The following MBD5 variants were observed in gnomAD, a reference collection of about 807,000 sequenced individuals.
MBD5 encodes methyl-CpG binding domain protein 5, also known as methyl-CpG-binding domain protein 5.
Under a neutral mutation model 117.3 loss-of-function variants are expected in MBD5, and 13 were observed. The observed-to-expected ratio is 0.11, with a 90% confidence interval of 0.07 to 0.18. MBD5 has a LOEUF of 0.18. Among genes scored for constraint, MBD5 ranks in the 10% least tolerant of loss-of-function variants. MBD5 has a pLI of 1.00. For missense variants in MBD5, 1,879 were observed against 2,093.8 expected (o/e 0.90, Z 2.00); for synonymous variants, 727 against 766.4 (o/e 0.95, Z 0.85).
Position 148,483,152 on chromosome 2 carries a change from A to G in MBD5, c.2561A>G (p.Asn854Ser), listed in dbSNP as rs1358383505. ...TCCTCCATAGCCATAGCGGGCACCA[A>G]CCACCCTGCCATCACAAAGACAACA... ...PSSSIAIAGT[N>S]HPAITKTTSV... The change falls in exon 9 of 14, where the codon AAC (asparagine) becomes AGC (serine). Residue 854 changes from asparagine to serine, a missense_variant. By Grantham distance (46) the Asn-to-Ser change is conservative. Transcript: ENST00000642680. 9 of 1,613,262 alleles carry G rather than the reference A, an allele frequency of 5.6e-6. 1 individual carries two copies. The highest frequency in any genetic ancestry group is 7.6e-6 in the Non-Finnish European group (9 of 1,179,944).
chr2:148,401,684 C>G (rs1559055907), intron 4 of MBD5, among the ~76,000 whole-genome samples: 1 of 152,084 alleles, frequency 6.6e-6, no homozygotes, highest in Non-Finnish European at 1.5e-5. Flanking sequence ...AACATCCTGC[C>G]TAACCATAAT....
At chr2:148,121,632 G>A (rs1387352371) in intron 1 of MBD5, among the ~76,000 whole-genome samples, 2 of 151,948 alleles carry the variant, frequency 1.3e-5, no homozygotes, top group African/African-American at 4.8e-5. Flanking sequence ...CTTTTAAAAA[G>A]CCATGCAACA....
At chr2:148,249,063 A>G (rs1291034982) in intron 3 of MBD5, among the ~76,000 whole-genome samples, 6 of 152,250 alleles carry the variant, frequency 3.9e-5, no homozygotes, top group East Asian at 1.9e-4. Context: ...TTAGGAGAAC[A>G]TCTTTCGAGT....
At position 148,143,250 on chromosome 2, in the gene MBD5, G is replaced by A. The variant is rs116981572; in HGVS notation, c.-924-35450G>A. ...ATTATACCTGGTTTTGCTTAAAGTCGCAATTTCCAAGAATGTATTGACTAT... is the reference window on the plus strand; with the variant it reads ...ATTATACCTGGTTTTGCTTAAAGTCACAATTTCCAAGAATGTATTGACTAT... On this transcript the variant is annotated intron_variant, in intron 1 of 13. Coordinates refer to ENST00000642680, the MANE Select transcript of MBD5 (RefSeq NM_001378120.1). Among the ~76,000 whole-genome samples the A allele has an allele frequency of 2.4e-4, 37 of 152,152 alleles. No individual in the cohort carries two copies. In the East Asian group the frequency reaches 5.4e-3, roughly 22 times the overall value.
At chr2:148,511,814 T>C (rs1243482455) in intron 13 of MBD5, among the ~76,000 whole-genome samples, 1 of 152,232 alleles carries the variant, frequency 6.6e-6, no homozygotes, top group Non-Finnish European at 1.5e-5. Context: ...TAAACATTAT[T>C]TAAAATTTTT....
At position 148,386,092 on chromosome 2, in the gene MBD5, C is replaced by A. The variant is rs372431390; in HGVS notation, c.-557+43756C>A. Among the ~76,000 whole-genome samples the A allele has an allele frequency of 6.1e-4, 92 of 151,214 alleles. 1 individual carries two copies. The South Asian group carries it at 8.6e-3, about 14-fold the overall frequency. On this transcript the variant is annotated intron_variant, in intron 4 of 13. Transcript: ENST00000642680. ...AACCTGCACGTTGTGCACATGTCCCCTAAAACTTAAAGTATAATAATAATA... is the reference window on the plus strand; with the variant it reads ...AACCTGCACGTTGTGCACATGTCCCATAAAACTTAAAGTATAATAATAATA...
chr2:148,275,667 T>C (rs1701089530), intron 3 of MBD5, among the ~76,000 whole-genome samples: 1 of 152,118 alleles, frequency 6.6e-6, no homozygotes, highest in Non-Finnish European at 1.5e-5. Flanking sequence ...CATCTAAAAA[T>C]TACCTTCACA....
chr2:148,443,163 A>T (rs1706379836), intron 4 of MBD5, among the ~76,000 whole-genome samples: 1 of 151,498 alleles, frequency 6.6e-6, no homozygotes, highest in South Asian at 2.1e-4. Context: ...ATCACTGATC[A>T]TCAGAGAAAT....
intron 3 of MBD5, among the ~76,000 whole-genome samples, chr2:148,339,297 C>A (rs2105122901): frequency 6.6e-6 from 1 of 152,154 alleles, no homozygotes; most frequent in Admixed American, 6.6e-5. Flanking sequence ...ATATGGTAGG[C>A]TGTTCTTCCC....
At chr2:148,043,234 G>A (rs1694415837) in intron 1 of MBD5, among the ~76,000 whole-genome samples, 1 of 150,814 alleles carries the variant, frequency 6.6e-6, no homozygotes, top group Non-Finnish European at 1.5e-5. Context: ...GACCATCCTG[G>A]CTAACACAGT....
intron 1 of MBD5, among the ~76,000 whole-genome samples, chr2:148,150,262 G>A (rs1277146922): frequency 4.1e-4 from 60 of 146,812 alleles, no homozygotes; most frequent in African/African-American, 1.2e-3. Flanking sequence ...GATATGCGGC[G>A]TTATTTCTGA....
intron 4 of MBD5, among the ~76,000 whole-genome samples, chr2:148,380,733 C>A (rs1704114803): frequency 6.6e-6 from 1 of 152,142 alleles, no homozygotes; most frequent in South Asian, 2.1e-4. Flanking sequence ...TAGGGGCGGA[C>A]TGACACCTCA....
At chr2:148,048,886 C>T (rs1239089102) in intron 1 of MBD5, among the ~76,000 whole-genome samples, 4 of 152,046 alleles carry the variant, frequency 2.6e-5, no homozygotes, top group African/African-American at 9.7e-5. Flanking sequence ...TGAAAAATTG[C>T]CCTGTCTCAT....
chr2:148,162,665 T>C (rs1275096596), intron 1 of MBD5, among the ~76,000 whole-genome samples: 1 of 152,160 alleles, frequency 6.6e-6, no homozygotes, highest in Non-Finnish European at 1.5e-5. Context: ...CTTATTAGCA[T>C]TCTAAACACA....
chr2:148,373,503 T>C (rs1363915535), intron 4 of MBD5, among the ~76,000 whole-genome samples: 3 of 152,160 alleles, frequency 2.0e-5, no homozygotes, highest in Admixed American at 2.0e-4. Context: ...TTATCATATA[T>C]TATATGCATT....
At chr2:148,503,620 C>T (rs536363910) in intron 12 of MBD5, among the ~76,000 whole-genome samples, 3 of 152,328 alleles carry the variant, frequency 2.0e-5, no homozygotes, top group East Asian at 3.9e-4. Flanking sequence ...AAGGGGCAAA[C>T]TCCTATGTCT....
At chr2:148,417,136 T>C (rs1160011408) in intron 4 of MBD5, among the ~76,000 whole-genome samples, 2 of 152,092 alleles carry the variant, frequency 1.3e-5, no homozygotes, top group African/African-American at 4.8e-5. Flanking sequence ...TGAATTTTTG[T>C]TTTTTAGACA....
intron 1 of MBD5, among the ~76,000 whole-genome samples, chr2:148,058,885 G>A (rs1323761402): frequency 6.6e-6 from 1 of 152,092 alleles, no homozygotes; most frequent in Non-Finnish European, 1.5e-5. Context: ...GAACATAGTG[G>A]CCTTATATGA....
intron 1 of MBD5, chr2:148,026,760 A>G (rs1467998087): frequency 2.6e-5 from 4 of 152,170 alleles, no homozygotes; most frequent in Non-Finnish European, 5.9e-5. Context: ...TGATCCCTAC[A>G]AAATCAAAAT....
Sources: allele counts gnomAD v4.1 joint callset (sites outside exome capture counted in the v4.1 genomes callset), GRCh38; gene constraint gnomAD v4.1.1; transcripts MANE v1.5; gene names NCBI Gene and HGNC (gene_info 2026-07-23, HGNC 2026-07-21).